The following MTIF2 variants were observed in gnomAD, a reference collection of about 807,000 sequenced individuals.
The protein encoded by MTIF2 is mitochondrial translational initiation factor 2.
Under a neutral mutation model 83.5 loss-of-function variants are expected in MTIF2, and 71 were observed. The observed-to-expected ratio is 0.85, with a 90% confidence interval of 0.70 to 1.04. The LOEUF (loss-of-function observed/expected upper bound fraction) is 1.04. Ranked by LOEUF, MTIF2 falls within the 50% of genes least tolerant of loss-of-function variation. MTIF2 has a pLI of 0.00. For synonymous variants in MTIF2, 319 were observed against 287.1 expected, an observed-to-expected ratio of 1.11 and a Z score of -1.12; for missense variants, 957 against 846.5, an observed-to-expected ratio of 1.13 and a Z score of -1.62.
intron 5 of MTIF2, among the ~76,000 whole-genome samples, chr2:55,259,134 C>T (rs1158546744): frequency 6.6e-6 from 1 of 152,074 alleles, no homozygotes; most frequent in East Asian, 1.9e-4. Flanking sequence ...TATTAACATA[C>T]TATTTTAATT....
chr2:55,261,830 C>T (rs994068572), intron 5 of MTIF2, among the ~76,000 whole-genome samples: 2 of 149,654 alleles, frequency 1.3e-5, no homozygotes, highest in African/African-American at 4.9e-5. Context: ...CCCAGCTACT[C>T]AGGAGGCTGA....
intron 5 of MTIF2, among the ~76,000 whole-genome samples, chr2:55,256,179 C>A (rs1261107266): frequency 6.6e-6 from 1 of 151,908 alleles, no homozygotes; most frequent in Non-Finnish European, 1.5e-5. Context: ...CCAGCAAGTA[C>A]TGATTTTTGA....
chr2:55,241,570 C>T (rs1676313626), intron 13 of MTIF2, among the ~76,000 whole-genome samples: 1 of 152,022 alleles, frequency 6.6e-6, no homozygotes, highest in Non-Finnish European at 1.5e-5. Flanking sequence ...AGGCCGGGTG[C>T]AGTGGCTCAC....
intron 13 of MTIF2, among the ~76,000 whole-genome samples, chr2:55,241,564 C>T (rs1050024476): frequency 4.6e-5 from 7 of 151,954 alleles, no homozygotes; most frequent in Admixed American, 3.3e-4. Context: ...CCATTCAGGC[C>T]GGGTGCAGTG....
intron 10 of MTIF2, among the ~76,000 whole-genome samples, chr2:55,245,684 T>C (rs1450060953): frequency 6.6e-6 from 1 of 152,148 alleles, no homozygotes; most frequent in Non-Finnish European, 1.5e-5. Flanking sequence ...TAAACTACAA[T>C]ACTGAACTGT....
At position 55,237,307 on chromosome 2, in the gene MTIF2, ATTACGGGTTAGTTTAAATTT is replaced by A; in HGVS notation, c.1972_1991del (p.Lys658TrpfsTer16). ...GCTTACCCTTCCAAATTACATGTCCATTACGGGTTAGTTTAAATTTTTTTTGTTTTTCTAACTGTCCCTTT... is the reference window on the plus strand; with the variant it reads ...GCTTACCCTTCCAAATTACATGTCCATTTTTGTTTTTCTAACTGTCCCTTT... On this transcript the variant is annotated frameshift_variant, in exon 15 of 16. Transcript: ENST00000263629. LOFTEE classifies it high-confidence loss of function. The A allele has an allele frequency of 6.2e-7, 1 of 1,612,702 alleles. No individual in the cohort carries two copies. The highest frequency in any genetic ancestry group is 1.1e-5 in the South Asian group (1 of 90,860).
intron 13 of MTIF2, among the ~76,000 whole-genome samples, chr2:55,242,383 C>T (rs1347593085): frequency 2.0e-5 from 3 of 152,066 alleles, no homozygotes; most frequent in Non-Finnish European, 4.4e-5. Flanking sequence ...ACTAGGTGTT[C>T]GACTTTATTT....
At position 55,263,866 on chromosome 2, in the gene MTIF2, C is replaced by A; in HGVS notation, c.-7-1G>T. ...CAGTAGCTTCTGGTTCATGTTTCTC[C>A]TGGGGAAAAAAAAAAGGTTTTAAAA... On this transcript the variant is annotated splice_acceptor_variant, in intron 3 of 15. Coordinates refer to ENST00000263629, the MANE Select transcript of MTIF2 (RefSeq NM_002453.3). LOFTEE classifies it low-confidence loss of function (5UTR_SPLICE). 1 of 1,587,912 alleles carries A rather than the reference C, an allele frequency of 6.3e-7. No homozygotes were observed. The highest frequency in any genetic ancestry group is 8.5e-7 in the Non-Finnish European group (1 of 1,169,918).
chr2:55,237,519 T>A (rs1675942461), intron 14 of MTIF2, 91 bp from the exon 15 acceptor site: 1 of 1,280,188 alleles, frequency 7.8e-7, no homozygotes, highest in African/African-American at 1.5e-5. Flanking sequence ...GAATTAAAGG[T>A]ATGACAAAAA....
At chr2:55,260,264 T>C (rs1219853857) in intron 5 of MTIF2, among the ~76,000 whole-genome samples, 3 of 152,086 alleles carry the variant, frequency 2.0e-5, no homozygotes, top group Admixed American at 6.6e-5. Flanking sequence ...CCGGGCGTGG[T>C]GGCACATGCC....
chr2:55,244,178 C>G lies in MTIF2; in HGVS notation c.1162G>C (p.Val388Leu). The change falls in exon 11 of 16, where the codon GTT (valine) becomes CTT (leucine). Residue 388 changes from valine (V) to leucine (L), a missense_variant. Around this residue, in one of 3 missense-constraint regions of MTIF2, gnomAD observed 733 missense variants for 648.7 expected, o/e 1.13. Transcript: ENST00000263629. The part of the protein sequence containing the change: ...RGTLRKGSVL[V>L]AGKCWAKVRL... ...ACTTTTGCCCAACATTTTCCAGCAA[C>G]CAGAACAGAGCCTTTTCTTAAAGTT... 1 of 1,614,056 alleles carries G rather than the reference C, an allele frequency of 6.2e-7. No individual in the cohort carries two copies. Among genetic ancestry groups the G allele is most frequent in the Non-Finnish European group, 8.5e-7 (1 of 1,179,986 alleles).
rs574822298 is a variant in MTIF2 at position 55,248,937 on chromosome 2, A to T, written c.981+458T>A. On this transcript the variant is annotated intron_variant, in intron 9 of 15. Transcript: ENST00000263629. ...AATGGCTTGAGGCCAGGTGTTCAAG[A>T]CCAGCCTAAGCAACACAGTGAGACC... Among the ~76,000 whole-genome samples the T allele has an allele frequency of 2.9e-4, 44 of 152,218 alleles. 1 individual carries two copies. Among genetic ancestry groups the T allele is most frequent in the East Asian group, 1.5e-3 (8 of 5,190 alleles).
chr2:55,247,853 G>C (rs1676814490), intron 9 of MTIF2, among the ~76,000 whole-genome samples: 1 of 151,876 alleles, frequency 6.6e-6, no homozygotes, highest in African/African-American at 2.4e-5. Context: ...CTACTCATCT[G>C]ATGGTATCTG....
chr2:55,255,385 TTATA>T (rs1677430946), intron 5 of MTIF2, among the ~76,000 whole-genome samples: 1 of 146,890 alleles, frequency 6.8e-6, no homozygotes, highest in South Asian at 2.1e-4. Context: ...ATATATATAT[TTATA>T]TATAGTATTA....
intron 5 of MTIF2, among the ~76,000 whole-genome samples, chr2:55,261,443 TAAA>T (rs879893110): frequency 7.2e-6 from 1 of 138,356 alleles, no homozygotes. Context: ...CCGTCTCTAC[TAAA>T]AAAAAAAAAA....
intron 5 of MTIF2, among the ~76,000 whole-genome samples, chr2:55,261,898 C>A (rs1642341743): frequency 7.4e-6 from 1 of 136,054 alleles, no homozygotes; most frequent in East Asian, 2.1e-4. Context: ...ATGATCATGC[C>A]ACTATACTGG....
At chr2:55,261,707 G>A (rs1367496298) in intron 5 of MTIF2, among the ~76,000 whole-genome samples, 1 of 151,930 alleles carries the variant, frequency 6.6e-6, no homozygotes, top group Non-Finnish European at 1.5e-5. Flanking sequence ...GGGAGGTTGA[G>A]GCAGAAGGAT....
At chr2:55,256,700 C>CAAA (rs34921662) in intron 5 of MTIF2, among the ~76,000 whole-genome samples, 5 of 144,234 alleles carry the variant, frequency 3.5e-5, no homozygotes, top group South Asian at 2.3e-4. Context: ...GACTCCATCT[C>CAAA]AAAAAAAAAA....
intron 9 of MTIF2, among the ~76,000 whole-genome samples, chr2:55,247,493 A>G (rs1676785527): frequency 6.6e-6 from 1 of 152,198 alleles, no homozygotes; most frequent in Non-Finnish European, 1.5e-5. Context: ...CAGAGGTTGC[A>G]GTGAGCCAAG....
Sources: gnomAD v4.1 joint callset for allele counts (sites outside exome capture counted in the v4.1 genomes callset) on GRCh38, gnomAD v4.1.1 for gene constraint, gnomAD v4.1.1 regional missense constraint, MANE v1.5 for transcripts, NCBI Gene and HGNC (gene_info 2026-07-23, HGNC 2026-07-21) for gene names.